ECM1: variants seen among roughly 807,000 people sequenced by gnomAD.
ECM1 encodes secretory component p85.
Under a neutral mutation model 57.9 loss-of-function variants are expected in ECM1, and 54 were observed. The observed-to-expected ratio is 0.93, with a 90% CI of 0.75 to 1.17. The LOEUF (loss-of-function observed/expected upper bound fraction) is 1.17, where lower values mean the gene tolerates loss of function less well. Among genes scored for constraint, ECM1 ranks in the 50% most tolerant of loss-of-function variants. The pLI, the probability that ECM1 is intolerant of heterozygous loss-of-function variation, is 0.00. For synonymous variants in ECM1, 237 were observed against 259.1 expected, an observed-to-expected ratio of 0.91 and a Z score of 0.82; for missense variants, 649 against 688.1, an observed-to-expected ratio of 0.94 and a Z score of 0.64.
In ECM1 at chr1:150,513,505, C is replaced by A. The variant is rs780044129; in HGVS notation, c.*38C>A. On this transcript the variant is annotated 3_prime_UTR_variant, in exon 10 of 10. Transcript: ENST00000369047. ...CCCTAGAGGGTCAGATGGGGGGAAC[C>A]CCACCCTGCCCCACCCATCTGAACA... is the stretch of plus-strand genomic sequence containing the variant. 6.5e-7 allele frequency: 1 copy of A among 1,549,994 alleles called. No homozygotes were observed. Among genetic ancestry groups the A allele is most frequent in the Non-Finnish European group, 8.8e-7 (1 of 1,135,804 alleles).
At position 150,509,737 on chromosome 1, in the gene ECM1, C is replaced by T; in HGVS notation, c.198C>T (p.Gly66=). ...ATCACCCTGACTCCTCTCAGCATGG[C>T]CCTCCCTTTGAGGGACAGAGTCAAG... ...PMDHPDSSQH[G]PPFEGQSQVQ... is the part of the protein sequence containing the mutation. The change falls in exon 3 of 10, where the codon GGC becomes GGT. Residue 66 remains glycine (G), a synonymous_variant. Transcript: ENST00000369047. The T allele has an allele frequency of 1.2e-6, 2 of 1,610,042 alleles. 1 individual carries two copies. Among genetic ancestry groups the T allele is most frequent in the African/African-American group, 2.7e-5 (2 of 74,828 alleles).
intron 1 of ECM1, among the ~76,000 whole-genome samples, chr1:150,509,100 G>A (rs137979214): frequency 1.3e-5 from 2 of 152,342 alleles, no homozygotes; most frequent in African/African-American, 4.8e-5. Context: ...CCTGGAGTAG[G>A]AGGGTGGGTG....
Position 150,511,445 on chromosome 1 carries a change from C to T in ECM1, c.709-12C>T, listed in dbSNP as rs1365612241. The T allele has an allele frequency of 2.5e-6, 4 of 1,614,114 alleles. No homozygotes were observed. The highest frequency in any genetic ancestry group is 1.7e-5 in the Admixed American group (1 of 60,028). On this transcript the variant is annotated splice_polypyrimidine_tract_variant and intron_variant, in intron 6 of 9. Transcript: ENST00000369047. ...ATGTGGAAAGTGGGCTGATCCTCCC[C>T]TCTTGCTCTAGTGGGAGGAAGCAAT...
chr1:150,508,399 G>T, intron 1 of ECM1, 120 bp downstream of exon 1: 1 of 1,052,508 alleles, frequency 9.5e-7, no homozygotes, highest in Non-Finnish European at 1.5e-6. Context: ...TTCCTTTTCT[G>T]AGCAGGCCCA....
chr1:150,508,742 A>C (rs958883879), intron 1 of ECM1, among the ~76,000 whole-genome samples: 37 of 152,142 alleles, frequency 2.4e-4, no homozygotes, highest in African/African-American at 8.9e-4. Flanking sequence ...CACATTCTTT[A>C]TCTGCTTTGA....
chr1:150,511,580 C>T lies in ECM1; in HGVS notation c.832C>T (p.His278Tyr), dbSNP rs1670443482. Residue 278 changes from histidine (H) to tyrosine (Y), a missense_variant, in exon 7 of 10, where the codon CAC becomes TAC. His to Tyr is a moderately conservative substitution (Grantham distance 83). Transcript: ENST00000369047. ...SCFQEEAPQPHYQLRACPSHQ... is the reference protein window; with the variant it reads ...SCFQEEAPQPYYQLRACPSHQ... ...CTTCCAGGAGGAAGCTCCCCAGCCA[C>T]ACTACCAGCTCCGGGCCTGCCCCAG... 4 of 1,614,206 alleles carry T rather than the reference C, an allele frequency of 2.5e-6. No homozygotes were observed. The East Asian group carries it at 8.9e-5, about 36-fold the overall frequency.
Position 150,512,804 on chromosome 1 carries a change from G to A in ECM1, c.1384G>A (p.Glu462Lys). 2 of 1,614,154 alleles carry A rather than the reference G, an allele frequency of 1.2e-6. No homozygotes were observed. The highest frequency in any genetic ancestry group is 1.7e-6 in the Non-Finnish European group (2 of 1,180,008). ...ATTTCCAGAACAGGCCTGCTGTGCA[G>A]AGGAGGAGGTGAGTGTGTGGAGTCT... ...LPFPEQACCA[E>K]EEKLTFINDL... is the part of the protein sequence containing the mutation. The change falls in exon 9 of 10, where the codon GAG becomes AAG. Residue 462 changes from glutamate (E) to lysine (K), a missense_variant. Coordinates refer to ENST00000369047, the MANE Select transcript of ECM1 (RefSeq NM_004425.4).
At position 150,513,468 on chromosome 1, in the gene ECM1, G is replaced by A. The variant is rs144955346; in HGVS notation, c.*1G>A. ...CACCTCTGAGCCCAAGGAAGAATGA[G>A]TCACCCCAGAGCCCTAGAGGGTCAG... On this transcript the variant is annotated 3_prime_UTR_variant, in exon 10 of 10. Transcript: ENST00000369047. 2.0e-4 allele frequency: 316 copies of A among 1,612,138 alleles called. No individual in the cohort carries two copies. Among genetic ancestry groups the A allele is most frequent in the Admixed American group, 2.7e-4 (16 of 59,970 alleles).
intron 5 of ECM1, 134 bp downstream of exon 5, chr1:150,510,316 C>A: frequency 1.2e-6 from 1 of 822,906 alleles, no homozygotes; most frequent in Non-Finnish European, 2.0e-6. Context: ...CATACTTCTC[C>A]AAGCCTTTGT....
chr1:150,513,787 T>A lies in ECM1; in HGVS notation c.*320T>A. ...GCGACCATAACTAAACAGCTTGACG[T>A]CACTTTGCCATCTTGAATTTATTCA... is the stretch of plus-strand genomic sequence containing the variant. On this transcript the variant is annotated 3_prime_UTR_variant, in exon 10 of 10. Coordinates refer to ENST00000369047, the MANE Select transcript of ECM1 (RefSeq NM_004425.4). The A allele has an allele frequency of 4.0e-6, 1 of 249,248 alleles. No individual in the cohort carries two copies. The highest frequency in any genetic ancestry group is 7.8e-6 in the Non-Finnish European group (1 of 128,054). 15.4% of individuals were successfully genotyped at this position (249,248 alleles called of 1,614,324 possible). A position where few individuals can be genotyped will look rare whatever the true frequency, so the allele number is the denominator to read the frequency against.
chr1:150,509,187 CAG>C (rs1670361007), intron 1 of ECM1: 1 of 414,974 alleles, frequency 2.4e-6, no homozygotes, highest in African/African-American at 2.0e-5. Context: ...CGCATCCCAG[CAG>C]AGACTGGGGA....
rs1200586657 is a variant in ECM1, at chr1:150,509,665, C to T, written c.126C>T (p.Gly42=). The T allele has an allele frequency of 1.2e-6, 2 of 1,613,864 alleles. No individual in the cohort carries two copies. Among genetic ancestry groups the T allele is most frequent in the South Asian group, 2.2e-5 (2 of 91,082 alleles). Residue 42 remains glycine, a synonymous_variant, in exon 3 of 10, where the codon GGC becomes GGT. Transcript: ENST00000369047. ...QLRPEHFQEV[G]YAAPPSPPLS... ...TGTCTCCCCTCTTGCTTCTAGTTGGCTACGCAGCTCCCCCCTCCCCACCCC... is the reference window on the plus strand; with the variant it reads ...TGTCTCCCCTCTTGCTTCTAGTTGGTTACGCAGCTCCCCCCTCCCCACCCC...
rs2101431410 is a variant in ECM1, at chr1:150,510,083, C to T, written c.305-19C>T. 6.2e-7 allele frequency: 1 copy of T among 1,613,918 alleles called. No individual in the cohort carries two copies. Among genetic ancestry groups the T allele is most frequent in the Non-Finnish European group, 8.5e-7 (1 of 1,179,758 alleles). ...CAGGCTGATCCCTGCTCCTTGGTGC[C>T]CTCACCCCTATCTTGCAGTGGGTCC... On this transcript the variant is annotated intron_variant, in intron 4 of 9. Transcript: ENST00000369047.
intron 9 of ECM1, 75 bp downstream of exon 9, chr1:150,512,887 T>C (rs1670482359): frequency 1.4e-6 from 2 of 1,470,860 alleles, no homozygotes; most frequent in Middle Eastern, 1.9e-4. Context: ...AGGCCACCCC[T>C]TCTCTTTAGT....
rs780826352 is a variant in ECM1 at position 150,512,749 on chromosome 1, C to T, written c.1329C>T (p.His443=). 3.6e-5 allele frequency: 58 copies of T among 1,614,066 alleles called. No homozygotes were observed. The East Asian group carries it at 8.5e-4, about 24-fold the overall frequency. The change falls in exon 9 of 10, where the codon CAC becomes CAT. Residue 443 remains histidine, a synonymous_variant. Transcript: ENST00000369047. ...TKHKHIPGLI[H]NMTARCCDLP... is the part of the protein sequence containing the mutation. ...GTAAACATATTCCTGGGCTGATCCA[C>T]AACATGACTGCCCGCTGCTGTGACC...
At position 150,510,178 on chromosome 1, in the gene ECM1, G is replaced by A; in HGVS notation, c.381G>A (p.Lys127=). The A allele has an allele frequency of 1.2e-6, 2 of 1,614,002 alleles. No individual in the cohort carries two copies. Among genetic ancestry groups the A allele is most frequent in the East Asian group, 2.2e-5 (1 of 44,876 alleles). ...LPSLQHPNEQ[K]EGTPAPFGDQ... is the part of the protein sequence containing the mutation. Reference sequence around the variant, plus strand: ...CTCTCCAGCACCCCAATGAACAGAAGGAAGGTAAGCAGCTCCCTCTCTTCT... The same window carrying A: ...CTCTCCAGCACCCCAATGAACAGAAAGAAGGTAAGCAGCTCCCTCTCTTCT... Residue 127 remains lysine, a synonymous_variant, in exon 5 of 10, where the codon AAG becomes AAA. Coordinates refer to ENST00000369047, the MANE Select transcript of ECM1 (RefSeq NM_004425.4).
chr1:150,510,847 C>G (rs768612283), intron 5 of ECM1, 29 bp from the exon 6 acceptor site: 7 of 1,611,864 alleles, frequency 4.3e-6, no homozygotes, highest in Middle Eastern at 1.6e-4. Flanking sequence ...TTCACATGTC[C>G]CCGCTTCCCA....
chr1:150,512,325 T>G, intron 7 of ECM1, 27 bp from the exon 8 acceptor site: 1 of 1,610,610 alleles, frequency 6.2e-7, no homozygotes, highest in East Asian at 2.2e-5. Context: ...GTGTCCAGCT[T>G]CTGACTTCCC....
chr1:150,511,414 G>A, intron 6 of ECM1, 43 bp from the exon 7 acceptor site: 1 of 1,613,892 alleles, frequency 6.2e-7, no homozygotes, highest in Non-Finnish European at 8.5e-7. Context: ...TGGGAGGAAG[G>A]CAGGAATGTG....
Sources: gnomAD v4.1 joint callset for allele counts (sites outside exome capture counted in the v4.1 genomes callset) on GRCh38, gnomAD v4.1.1 for gene constraint, MANE v1.5 for transcripts, NCBI Gene and HGNC (gene_info 2026-07-23, HGNC 2026-07-21) for gene names.